Variants in MACROD2 observed in about 807,000 individuals in gnomAD.
MACROD2 encodes mono-ADP ribosylhydrolase 2.
A neutral mutation model predicts 70.4 loss-of-function variants in MACROD2; 36 were observed. That is an observed-to-expected ratio of 0.51 (90% CI 0.39 to 0.68). MACROD2 has a LOEUF of 0.68. Ranked by LOEUF, MACROD2 falls within the 30% of genes least tolerant of loss-of-function variation. The pLI, the probability that MACROD2 is intolerant of heterozygous loss-of-function variation, is 0.00. For missense variants in MACROD2, 496 were observed against 538.4 expected, an observed-to-expected ratio of 0.92 and a Z score of 0.78; for synonymous variants, 172 against 178.8, an observed-to-expected ratio of 0.96 and a Z score of 0.30.
intron 5 of MACROD2, among the ~76,000 whole-genome samples, chr20:14,890,803 G>A (rs1448430992): frequency 6.7e-6 from 1 of 148,608 alleles, no homozygotes; most frequent in Non-Finnish European, 1.5e-5. Context: ...AAGAAGGAAA[G>A]AAATTCTGTT....
chr20:14,611,080 G>A (rs533466883), intron 4 of MACROD2, among the ~76,000 whole-genome samples: 5 of 152,068 alleles, frequency 3.3e-5, no homozygotes, highest in Admixed American at 3.3e-4. Flanking sequence ...TTAGATTTTT[G>A]TTAAGAGGCA....
At chr20:14,914,026 C>T (rs2074060417) in intron 5 of MACROD2, among the ~76,000 whole-genome samples, 1 of 152,186 alleles carries the variant, frequency 6.6e-6, no homozygotes, top group Admixed American at 6.5e-5. Context: ...AAGCAATTTG[C>T]AGCCTTCCTT....
In MACROD2 at chr20:15,072,485, A is replaced by G. The variant is rs73093985; in HGVS notation, c.419-157455A>G. On this transcript the variant is annotated intron_variant, in intron 5 of 17. Coordinates refer to ENST00000684519, the MANE Select transcript of MACROD2 (RefSeq NM_001351661.2). The stretch of plus-strand genomic sequence containing the variant: ...AATAAAACTCTTTGCAACAATTCTT[A>G]TGGGTAGAAACAGTATTTTTCTGAC... Among the ~76,000 whole-genome samples the G allele has an allele frequency of 9.4e-3, 1,439 of 152,292 alleles. 5 individuals are homozygous for G. The highest frequency in any genetic ancestry group is 0.015 in the Non-Finnish European group (1,051 of 67,996).
At chr20:15,594,979 T>A (rs2048727234) in intron 8 of MACROD2, among the ~76,000 whole-genome samples, 2 of 152,238 alleles carry the variant, frequency 1.3e-5, no homozygotes, top group Admixed American at 6.5e-5. Flanking sequence ...GTTTTCTTTG[T>A]TTCGTGTTTC....
At chr20:14,441,651 G>A (rs573597966) in intron 3 of MACROD2, among the ~76,000 whole-genome samples, 12 of 152,254 alleles carry the variant, frequency 7.9e-5, no homozygotes, top group African/African-American at 2.9e-4. Flanking sequence ...AGTTTGGTCT[G>A]TAGGAGCATC....
At chr20:15,521,906 A>C (rs1015882501) in intron 8 of MACROD2, among the ~76,000 whole-genome samples, 1 of 152,238 alleles carries the variant, frequency 6.6e-6, no homozygotes, top group African/African-American at 2.4e-5. Context: ...TATGCAGCTT[A>C]AAAGCATGTT....
At chr20:14,699,641 C>T (rs773417072) in intron 5 of MACROD2, among the ~76,000 whole-genome samples, 2 of 152,150 alleles carry the variant, frequency 1.3e-5, no homozygotes, top group Admixed American at 1.3e-4. Context: ...AGTCTCACAA[C>T]TTGCACTCTA....
At chr20:14,421,427 T>A (rs1033405079) in intron 3 of MACROD2, among the ~76,000 whole-genome samples, 1 of 152,192 alleles carries the variant, frequency 6.6e-6, no homozygotes. Flanking sequence ...TTTTCTGTCT[T>A]CATTTTTCAA....
chr20:15,911,628 G>A (rs1234500909), intron 10 of MACROD2, among the ~76,000 whole-genome samples: 3 of 152,176 alleles, frequency 2.0e-5, no homozygotes, highest in Non-Finnish European at 2.9e-5. Context: ...GGTGAATAGT[G>A]CAAGGGTATG....
intron 5 of MACROD2, among the ~76,000 whole-genome samples, chr20:14,866,167 C>G (rs889030426): frequency 8.5e-5 from 13 of 152,214 alleles, no homozygotes; most frequent in Middle Eastern, 3.4e-3. Context: ...ATACAATTAG[C>G]TATTTTTTGA....
chr20:14,208,680 C>T (rs761166528), intron 3 of MACROD2, among the ~76,000 whole-genome samples: 3 of 152,132 alleles, frequency 2.0e-5, no homozygotes, highest in Non-Finnish European at 4.4e-5. Flanking sequence ...TCCATCGAGA[C>T]TGCCCAGTGT....
chr20:15,211,556 C>T (rs1184929880), intron 5 of MACROD2, among the ~76,000 whole-genome samples: 4 of 151,906 alleles, frequency 2.6e-5, no homozygotes, highest in African/African-American at 9.7e-5. Context: ...TCTATGAGTC[C>T]ACGTGAGAGC....
chr20:15,098,584 A>G (rs909283179), intron 5 of MACROD2, among the ~76,000 whole-genome samples: 3 of 152,200 alleles, frequency 2.0e-5, no homozygotes, highest in Non-Finnish European at 2.9e-5. Context: ...CTCTAACACT[A>G]TGCGAGGCAT....
At chr20:15,668,441 G>T (rs1006496447) in intron 8 of MACROD2, among the ~76,000 whole-genome samples, 5 of 151,918 alleles carry the variant, frequency 3.3e-5, no homozygotes, top group African/African-American at 1.2e-4. Context: ...GATGGCACAT[G>T]CCTGTAATCC....
intron 4 of MACROD2, among the ~76,000 whole-genome samples, chr20:14,565,441 C>A (rs1979734490): frequency 6.7e-6 from 1 of 150,256 alleles, no homozygotes; most frequent in Non-Finnish European, 1.5e-5. Context: ...TTCCCTCCCA[C>A]CCCTCCCTCT....
intron 4 of MACROD2, among the ~76,000 whole-genome samples, chr20:14,572,921 T>A (rs1002007660): frequency 3.3e-5 from 5 of 151,068 alleles, no homozygotes; most frequent in Non-Finnish European, 5.9e-5. Flanking sequence ...TATATAAAGA[T>A]ATGAATTGGA....
chr20:15,127,064 C>A (rs1227585419), intron 5 of MACROD2, among the ~76,000 whole-genome samples: 1 of 152,058 alleles, frequency 6.6e-6, no homozygotes, highest in Non-Finnish European at 1.5e-5. Flanking sequence ...ACTTCCACTG[C>A]CACACTCTTG....
chr20:15,964,696 C>G (rs1046837512), intron 12 of MACROD2, among the ~76,000 whole-genome samples: 9 of 152,332 alleles, frequency 5.9e-5, no homozygotes, highest in Admixed American at 4.6e-4. Flanking sequence ...AAACCTACAA[C>G]TAAATATAAT....
intron 3 of MACROD2, among the ~76,000 whole-genome samples, chr20:14,135,918 T>C (rs758317644): frequency 6.6e-6 from 1 of 152,192 alleles, no homozygotes; most frequent in Non-Finnish European, 1.5e-5. Context: ...GCTTTCTCCC[T>C]TAGATTGGAA....
Sources: gnomAD v4.1 joint callset for allele counts (sites outside exome capture counted in the v4.1 genomes callset) on GRCh38, gnomAD v4.1.1 for gene constraint, MANE v1.5 for transcripts, NCBI Gene and HGNC (gene_info 2026-07-23, HGNC 2026-07-21) for gene names.